SLC9C1: variants seen among roughly 807,000 people sequenced by gnomAD.
The protein encoded by SLC9C1 is sodium/hydrogen exchanger 10.
In SLC9C1, 97 loss-of-function variants were observed where a neutral mutation model predicts 140.9. The ratio of observed to expected loss-of-function variants is 0.69; its 90% CI spans 0.58 to 0.82. The LOEUF is 0.82. SLC9C1 is among the 40% of genes least tolerant of loss of function. The pLI is 0.00. For missense variants in SLC9C1, 1,340 were observed against 1,389.3 expected (o/e 0.96, Z 0.56); for synonymous variants, 440 against 442.6 (o/e 0.99, Z 0.07).
intron 26 of SLC9C1, among the ~76,000 whole-genome samples, chr3:112,165,570 G>A (rs894799211): frequency 2.0e-5 from 3 of 152,176 alleles, no homozygotes; most frequent in African/African-American, 7.2e-5. Context: ...CAGCAGTGGA[G>A]GCTGCACAAC....
intron 1 of SLC9C1, among the ~76,000 whole-genome samples, chr3:112,292,927 A>C (rs890256899): frequency 6.6e-6 from 1 of 151,972 alleles, no homozygotes; most frequent in East Asian, 1.9e-4. Flanking sequence ...AATCCCATTA[A>C]AGAAAAAAAT....
intron 12 of SLC9C1, among the ~76,000 whole-genome samples, chr3:112,231,709 T>C (rs989840598): frequency 2.0e-5 from 3 of 152,198 alleles, no homozygotes; most frequent in African/African-American, 4.8e-5. Context: ...AGTTATATCA[T>C]ATCTTTACTT....
At chr3:112,266,120 G>T in intron 8 of SLC9C1, 118 bp downstream of exon 8, 3 of 736,854 alleles carry the variant, frequency 4.1e-6, no homozygotes, top group African/African-American at 1.9e-5. Context: ...GTTTTTAGTT[G>T]GGTAGTTTTC....
At chr3:112,198,274 A>G (rs2077817090) in intron 20 of SLC9C1, among the ~76,000 whole-genome samples, 1 of 151,976 alleles carries the variant, frequency 6.6e-6, no homozygotes, top group South Asian at 2.1e-4. Flanking sequence ...AGAATTTTAT[A>G]TATTACTTTT....
chr3:112,261,511 A>G (rs945689705), intron 10 of SLC9C1, among the ~76,000 whole-genome samples: 6 of 152,200 alleles, frequency 3.9e-5, no homozygotes, highest in African/African-American at 1.4e-4. Flanking sequence ...TGAGTAGTAG[A>G]GACAGAATTA....
intron 26 of SLC9C1, among the ~76,000 whole-genome samples, chr3:112,166,543 C>T (rs1415044101): frequency 2.0e-5 from 3 of 152,066 alleles, no homozygotes; most frequent in Non-Finnish European, 2.9e-5. Context: ...CAAGTTTTCA[C>T]CTGTGAATTG....
chr3:112,215,572 A>G (rs2078338191), intron 15 of SLC9C1, among the ~76,000 whole-genome samples: 1 of 150,662 alleles, frequency 6.6e-6, no homozygotes, highest in Non-Finnish European at 1.5e-5. Context: ...ATAACAGACA[A>G]ACAGCCAAAT....
intron 23 of SLC9C1, among the ~76,000 whole-genome samples, chr3:112,171,679 C>T (rs766016716): frequency 1.2e-4 from 19 of 152,118 alleles, no homozygotes; most frequent in Non-Finnish European, 2.6e-4. Context: ...TAAAAAAATC[C>T]TGGCTAAGAA....
At chr3:112,237,468 T>C (rs2079021237) in intron 12 of SLC9C1, among the ~76,000 whole-genome samples, 1 of 152,200 alleles carries the variant, frequency 6.6e-6, no homozygotes, top group Non-Finnish European at 1.5e-5. Context: ...TTAAGGTTAA[T>C]ATTGTTATGT....
intron 11 of SLC9C1, among the ~76,000 whole-genome samples, chr3:112,241,281 C>A (rs965054385): frequency 6.6e-6 from 1 of 151,976 alleles, no homozygotes; most frequent in East Asian, 1.9e-4. Context: ...CAAAACATCT[C>A]GGGTACCCCA....
At chr3:112,220,856 G>C (rs35037629) in intron 14 of SLC9C1, among the ~76,000 whole-genome samples, 1 of 62,238 alleles carries the variant, frequency 1.6e-5, no homozygotes, top group Non-Finnish European at 3.6e-5. Flanking sequence ...TTTTGGCAGG[G>C]GGGGACAAAG....
intron 21 of SLC9C1, among the ~76,000 whole-genome samples, chr3:112,181,685 T>G (rs931981664): frequency 1.3e-5 from 2 of 152,178 alleles, no homozygotes; most frequent in Admixed American, 6.5e-5. Context: ...AACAATATAG[T>G]TCACAGGAAG....
At chr3:112,268,933 A>G (rs13078927) in intron 7 of SLC9C1, among the ~76,000 whole-genome samples, 45,061 of 152,140 alleles carry the variant, frequency 0.3, 7,229 homozygotes, top group East Asian at 0.43. Flanking sequence ...AGGAAACAGC[A>G]GTATGGCTAA....
chr3:112,204,131 A>G lies in SLC9C1; in HGVS notation c.2172+87T>C, dbSNP rs968375843. On this transcript the variant is annotated intron_variant, in intron 17 of 28. Coordinates refer to ENST00000305815, the MANE Select transcript of SLC9C1 (RefSeq NM_183061.3). ...AACATTAACCCAACAGAATATGTTAACCATAAAACTAGTAAACTAATTTTA... is the reference window on the plus strand; with the variant it reads ...AACATTAACCCAACAGAATATGTTAGCCATAAAACTAGTAAACTAATTTTA... 4.3e-5 allele frequency: 55 copies of G among 1,290,592 alleles called. No individual in the cohort carries two copies. In the East Asian group the frequency reaches 1.4e-3, roughly 32 times the overall value. The allele number at this position is 1,290,592 out of a possible 1,614,324, so 79.9% of individuals were successfully genotyped here. A position where few individuals can be genotyped will look rare whatever the true frequency, so the allele number is the denominator to read the frequency against.
At chr3:112,232,652 AC>A (rs1384966449) in intron 12 of SLC9C1, among the ~76,000 whole-genome samples, 1 of 152,152 alleles carries the variant, frequency 6.6e-6, no homozygotes, top group Non-Finnish European at 1.5e-5. Flanking sequence ...TGCAAAAAAA[AC>A]AAAAACAAAA....
At chr3:112,145,741 G>C (rs948634772) in intron 28 of SLC9C1, among the ~76,000 whole-genome samples, 1 of 151,834 alleles carries the variant, frequency 6.6e-6, no homozygotes, top group Admixed American at 6.6e-5. Context: ...GATATGGTTT[G>C]GCTGTGTTTC....
chr3:112,263,570 T>G (rs372079426), intron 9 of SLC9C1, among the ~76,000 whole-genome samples: 1 of 151,912 alleles, frequency 6.6e-6, no homozygotes, highest in Non-Finnish European at 1.5e-5. Context: ...TAATTTTATC[T>G]GATAATTTGG....
intron 15 of SLC9C1, among the ~76,000 whole-genome samples, chr3:112,215,470 A>G (rs2078334268): frequency 6.6e-6 from 1 of 152,132 alleles, no homozygotes; most frequent in Non-Finnish European, 1.5e-5. Flanking sequence ...CCATCGTCTC[A>G]GCCCAAAATC....
At chr3:112,190,334 A>AT (rs1397907974) in intron 20 of SLC9C1, among the ~76,000 whole-genome samples, 1 of 152,102 alleles carries the variant, frequency 6.6e-6, no homozygotes, top group African/African-American at 2.4e-5. Context: ...GAATGCTTCC[A>AT]TTTTTTGCCC....
Sources: gnomAD v4.1 joint callset for allele counts (sites outside exome capture counted in the v4.1 genomes callset) on GRCh38, gnomAD v4.1.1 for gene constraint, MANE v1.5 for transcripts, NCBI Gene and HGNC (gene_info 2026-07-23, HGNC 2026-07-21) for gene names.